Variants in TBC1D8 observed in about 807,000 individuals in gnomAD.
TBC1D8 encodes the protein TBC1 domain family member 8, also known as BUB2-like protein 1.
A neutral mutation model predicts 118.8 loss-of-function variants in TBC1D8; 65 were observed. The observed-to-expected ratio is 0.55, with a 90% CI of 0.45 to 0.67. The LOEUF (loss-of-function observed/expected upper bound fraction) is 0.67. TBC1D8 is among the 30% of genes least tolerant of loss of function. The probability of loss-of-function intolerance (pLI) is 0.00; values close to 1 mark genes in which losing one functional copy is unlikely to be tolerated. For missense variants in TBC1D8, 1,376 were observed against 1,471.2 expected, an observed-to-expected ratio of 0.94 and a Z score of 1.06; for synonymous variants, 566 against 595.8, an observed-to-expected ratio of 0.95 and a Z score of 0.73.
At chr2:101,033,068 C>T in intron 10 of TBC1D8, 1 of 250,424 alleles carries the variant, frequency 4.0e-6, no homozygotes, top group Non-Finnish European at 8.0e-6. Flanking sequence ...CTGAATCTGC[C>T]CTGCCACCAA....
chr2:101,033,963 A>C (rs1680839450), intron 9 of TBC1D8, among the ~76,000 whole-genome samples: 1 of 152,164 alleles, frequency 6.6e-6, no homozygotes, highest in South Asian at 2.1e-4. Context: ...CAGGAGTTCG[A>C]GACCAGCCTG....
intron 4 of TBC1D8, 150 bp from the exon 5 acceptor site, chr2:101,050,791 C>T (rs762329977): frequency 2.1e-6 from 2 of 954,020 alleles, no homozygotes; most frequent in South Asian, 1.7e-5. Flanking sequence ...CAGGGATACA[C>T]GTGCAGGTTT....
In TBC1D8 at chr2:101,029,619, A is replaced by G. The variant is rs765953693; in HGVS notation, c.2094T>C (p.Asn698=). The G allele has an allele frequency of 6.2e-7, 1 of 1,613,974 alleles. No homozygotes were observed. Among genetic ancestry groups the G allele is most frequent in the Middle Eastern group, 1.6e-4 (1 of 6,062 alleles). ...LSIMPLESAV[N]VVDCFFYDGI... ...CATCATAGAAGAAGCAGTCTACCAC[A>G]TTCACCGCACTCTCTAGAGGCATGA... is the stretch of plus-strand genomic sequence containing the variant. The change falls in exon 12 of 20, where the codon AAT becomes AAC. Residue 698 remains asparagine, a synonymous_variant. Transcript: ENST00000409318.
intron 1 of TBC1D8, among the ~76,000 whole-genome samples, chr2:101,138,195 C>T (rs565510060): frequency 6.6e-6 from 1 of 152,306 alleles, no homozygotes; most frequent in East Asian, 1.9e-4. Context: ...TCCCACCAGG[C>T]CCCACCTCCA....
chr2:101,029,394 T>TAAAAAA, intron 12 of TBC1D8, 97 bp downstream of exon 12: 2 of 1,192,686 alleles, frequency 1.7e-6, no homozygotes, highest in Non-Finnish European at 2.2e-6. Context: ...TCTGTCTCAA[T>TAAAAAA]AAAAAAAAAA....
At chr2:101,053,966 T>C (rs1175786969) in intron 4 of TBC1D8, 142 bp downstream of exon 4, 6 of 723,540 alleles carry the variant, frequency 8.3e-6, no homozygotes, top group African/African-American at 3.6e-5. Context: ...GTAGCATATA[T>C]AAGTAATCAA....
At chr2:101,044,196 G>A (rs1209129272) in intron 5 of TBC1D8, among the ~76,000 whole-genome samples, 1 of 152,176 alleles carries the variant, frequency 6.6e-6, no homozygotes, top group Non-Finnish European at 1.5e-5. Flanking sequence ...AAGCAACAGG[G>A]GGGACTTTCC....
At chr2:101,098,860 G>A (rs1474877596) in intron 1 of TBC1D8, among the ~76,000 whole-genome samples, 2 of 152,140 alleles carry the variant, frequency 1.3e-5, no homozygotes, top group African/African-American at 4.8e-5. Flanking sequence ...CACAGCTAAA[G>A]CAGTGTTAAG....
chr2:101,014,829 T>C (rs141849092), intron 17 of TBC1D8, among the ~76,000 whole-genome samples: 19 of 152,328 alleles, frequency 1.2e-4, no homozygotes, highest in Non-Finnish European at 2.4e-4. Context: ...TGGGTATAAC[T>C]TGAGTGCCAA....
chr2:101,126,267 T>A (rs905917149), intron 1 of TBC1D8, among the ~76,000 whole-genome samples: 2 of 152,026 alleles, frequency 1.3e-5, no homozygotes, highest in African/African-American at 4.8e-5. Context: ...TCATAAACGA[T>A]CCACTCCCAC....
At chr2:101,029,394 T>TAAA (rs74845104) in intron 12 of TBC1D8, 97 bp downstream of exon 12, 2,508 of 1,188,558 alleles carry the variant, frequency 2.1e-3, no homozygotes, top group Non-Finnish European at 2.3e-3. Flanking sequence ...TCTGTCTCAA[T>TAAA]AAAAAAAAAA....
At chr2:101,090,522 T>G (rs1301165563) in intron 1 of TBC1D8, among the ~76,000 whole-genome samples, 158 bp from the exon 2 acceptor site, 1 of 152,230 alleles carries the variant, frequency 6.6e-6, no homozygotes, top group Non-Finnish European at 1.5e-5. Flanking sequence ...CTGAGCTCCA[T>G]GGAGCCAAGG....
rs139827931 is a variant in TBC1D8, at chr2:101,022,306, C to T, written c.2736G>A (p.Glu912=). Residue 912 remains glutamate, a synonymous_variant, in exon 16 of 20, where the codon GAG becomes GAA. Transcript: ENST00000409318. The part of the protein sequence containing the change: ...LLDDNMDQLI[E]FKAFVSCLDI... ...CGAGGCAGCTCACAAACGCTTTGAA[C>T]TCGATGAGCTGGTCCATGTTGTCAT... 1.2e-6 allele frequency: 2 copies of T among 1,613,338 alleles called. No homozygotes were observed. The highest frequency in any genetic ancestry group is 1.7e-6 in the Non-Finnish European group (2 of 1,179,674).
chr2:101,097,449 A>C (rs1188435947), intron 1 of TBC1D8, among the ~76,000 whole-genome samples: 2 of 152,158 alleles, frequency 1.3e-5, no homozygotes, highest in Non-Finnish European at 2.9e-5. Context: ...AATCGTCTAA[A>C]GTAGTAATAG....
chr2:101,138,590 C>T (rs968426781), intron 1 of TBC1D8, among the ~76,000 whole-genome samples: 5 of 152,106 alleles, frequency 3.3e-5, no homozygotes, highest in Non-Finnish European at 7.4e-5. Flanking sequence ...GATAATTTGC[C>T]GGGATGGCTC....
At chr2:101,117,857 G>C (rs1039689426) in intron 1 of TBC1D8, among the ~76,000 whole-genome samples, 1 of 149,236 alleles carries the variant, frequency 6.7e-6, no homozygotes, top group African/African-American at 2.5e-5. Context: ...TTACAGGCGT[G>C]AGCCACCGCA....
chr2:101,071,908 G>T (rs1674467792), intron 2 of TBC1D8, among the ~76,000 whole-genome samples: 1 of 152,168 alleles, frequency 6.6e-6, no homozygotes. Flanking sequence ...TTGCCCAGAT[G>T]AATCAGAGGA....
rs116402789 is a variant in TBC1D8 at position 101,033,570 on chromosome 2, G to A, written c.1792C>T (p.Arg598Trp). 1,619 of 1,613,896 alleles carry A rather than the reference G, an allele frequency of 1.0e-3. 8 individuals are homozygous for A. The African/African-American group carries it at 0.013, about 12-fold the overall frequency. The change falls in exon 10 of 20, where the codon CGG (arginine) becomes TGG (tryptophan). Residue 598 changes from arginine (R) to tryptophan (W), a missense_variant. Arg to Trp is a moderately radical substitution (Grantham distance 101). Transcript: ENST00000409318. ...TGGCAGTATCCAATCTTGGGGTTCC[G>A]GTGGGCATAGGCCGTCAAGACTCTC... ...LRRVLTAYAH[R>W]NPKIGYCQSM...
chr2:101,090,846 G>C (rs1307308671), intron 1 of TBC1D8, among the ~76,000 whole-genome samples: 1 of 152,196 alleles, frequency 6.6e-6, no homozygotes, highest in East Asian at 1.9e-4. Context: ...ATGAGTTAAA[G>C]TATCCAATAT....
Sources: allele counts gnomAD v4.1 joint callset (sites outside exome capture counted in the v4.1 genomes callset), GRCh38; gene constraint gnomAD v4.1.1; transcripts MANE v1.5; gene names NCBI Gene and HGNC (gene_info 2026-07-23, HGNC 2026-07-21).